CADPS2: variants seen among roughly 807,000 people sequenced by gnomAD.
CADPS2 encodes calcium dependent secretion activator 2.
CADPS2 carries 93 observed loss-of-function variants against 172.5 expected under a neutral mutation model. That is an observed-to-expected ratio of 0.54 (90% CI 0.46 to 0.64). The LOEUF (loss-of-function observed/expected upper bound fraction) is 0.64, where lower values mean the gene tolerates loss of function less well. Ranked by LOEUF, CADPS2 falls within the 30% of genes least tolerant of loss-of-function variation. CADPS2 has a pLI of 0.00. For synonymous variants in CADPS2, 546 were observed against 555.2 expected, an observed-to-expected ratio of 0.98 and a Z score of 0.23; for missense variants, 1,420 against 1,565.9, an observed-to-expected ratio of 0.91 and a Z score of 1.57.
chr7:122,570,698 C>A (rs2067132155), intron 7 of CADPS2, among the ~76,000 whole-genome samples: 1 of 151,682 alleles, frequency 6.6e-6, no homozygotes, highest in South Asian at 2.1e-4. Flanking sequence ...GAATACTATG[C>A]AGCCATAAAA....
intron 14 of CADPS2, among the ~76,000 whole-genome samples, chr7:122,460,169 A>C (rs2054281528): frequency 6.6e-6 from 1 of 152,036 alleles, no homozygotes; most frequent in Admixed American, 6.6e-5. Context: ...CCAAATCCTT[A>C]TTCACTACAA....
intron 1 of CADPS2, among the ~76,000 whole-genome samples, chr7:122,775,284 G>A (rs903009734): frequency 1.3e-5 from 2 of 152,194 alleles, no homozygotes; most frequent in East Asian, 1.9e-4. Flanking sequence ...CGTCATAGAC[G>A]CTGACACAAT....
At chr7:122,441,243 G>C (rs937631737) in intron 16 of CADPS2, among the ~76,000 whole-genome samples, 1 of 151,988 alleles carries the variant, frequency 6.6e-6, no homozygotes, top group African/African-American at 2.4e-5. Context: ...ATTTCATGAG[G>C]GAAATAAAGA....
intron 2 of CADPS2, among the ~76,000 whole-genome samples, chr7:122,674,857 A>G (rs1023071457): frequency 7.9e-5 from 12 of 152,236 alleles, no homozygotes; most frequent in African/African-American, 2.7e-4. Flanking sequence ...ATAATGCCAA[A>G]TAAAATATTG....
intron 2 of CADPS2, among the ~76,000 whole-genome samples, chr7:122,706,984 G>A (rs1374380172): frequency 1.3e-5 from 2 of 151,470 alleles, no homozygotes; most frequent in African/African-American, 2.4e-5. Context: ...GATTTATCCT[G>A]TTGTAGAGAG....
At chr7:122,629,128 A>G (rs951174512) in intron 4 of CADPS2, 120 bp downstream of exon 4, 12 of 659,412 alleles carry the variant, frequency 1.8e-5, no homozygotes, top group Non-Finnish European at 3.0e-5. Flanking sequence ...TGTGTAGAGG[A>G]GAAAATGTTA....
chr7:122,513,485 A>G (rs2060144478), intron 8 of CADPS2, among the ~76,000 whole-genome samples, 170 bp from the exon 9 acceptor site: 1 of 152,220 alleles, frequency 6.6e-6, no homozygotes, highest in Middle Eastern at 3.2e-3. Flanking sequence ...AAAATGAGTT[A>G]GCTTATTCTG....
At chr7:122,376,258 AG>A (rs2151315255) in intron 25 of CADPS2, among the ~76,000 whole-genome samples, 1 of 152,296 alleles carries the variant, frequency 6.6e-6, no homozygotes, top group East Asian at 1.9e-4. Context: ...TTAGTATATC[AG>A]AGAGATATCT....
At chr7:122,420,521 A>C (rs1318751325) in intron 17 of CADPS2, among the ~76,000 whole-genome samples, 2 of 152,256 alleles carry the variant, frequency 1.3e-5, no homozygotes, top group Non-Finnish European at 2.9e-5. Flanking sequence ...AAGGCCAAGA[A>C]GTTTAATGCA....
intron 17 of CADPS2, among the ~76,000 whole-genome samples, chr7:122,431,131 AT>A (rs1273885592): frequency 6.6e-6 from 1 of 152,188 alleles, no homozygotes; most frequent in African/African-American, 2.4e-5. Context: ...CTAAATTTTA[AT>A]TATTTAGTAA....
intron 6 of CADPS2, among the ~76,000 whole-genome samples, chr7:122,583,258 T>A (rs1003211738): frequency 6.6e-6 from 1 of 152,024 alleles, no homozygotes; most frequent in African/African-American, 2.4e-5. Flanking sequence ...TAAGTGTCCA[T>A]AAAATGAGAT....
chr7:122,522,122 T>C (rs1052592050), intron 8 of CADPS2, among the ~76,000 whole-genome samples: 1 of 152,134 alleles, frequency 6.6e-6, no homozygotes, highest in African/African-American at 2.4e-5. Context: ...CATTTTATTT[T>C]ATTTATTTTT....
At chr7:122,458,282 A>T (rs1349951779) in intron 14 of CADPS2, among the ~76,000 whole-genome samples, 1 of 152,186 alleles carries the variant, frequency 6.6e-6, no homozygotes, top group Non-Finnish European at 1.5e-5. Context: ...AAAGGAGAGG[A>T]TGTCACAGCA....
At chr7:122,492,398 C>A (rs2058374423) in intron 9 of CADPS2, among the ~76,000 whole-genome samples, 2 of 152,004 alleles carry the variant, frequency 1.3e-5, no homozygotes, top group African/African-American at 4.8e-5. Context: ...TAAAGTCTTA[C>A]TAGAACCATA....
At chr7:122,575,259 T>G (rs2067862725) in intron 7 of CADPS2, among the ~76,000 whole-genome samples, 1 of 152,036 alleles carries the variant, frequency 6.6e-6, no homozygotes, top group Admixed American at 6.5e-5. Context: ...TGATCCTGGA[T>G]TCTATCCTAG....
chr7:122,370,053 TCTTA>T (rs2041569632), intron 25 of CADPS2, among the ~76,000 whole-genome samples: 1 of 151,286 alleles, frequency 6.6e-6, no homozygotes, highest in African/African-American at 2.4e-5. Context: ...CTGCAGTTTC[TCTTA>T]CTTAAATGGT....
chr7:122,477,021 AG>A (rs1563448140), intron 12 of CADPS2, among the ~76,000 whole-genome samples: 2 of 105,150 alleles, frequency 1.9e-5, no homozygotes, highest in African/African-American at 8.7e-5. Flanking sequence ...AGGAGAGGAG[AG>A]GAGAGGAGAG....
chr7:122,591,079 A>G (rs1031342363), intron 6 of CADPS2, among the ~76,000 whole-genome samples: 2 of 152,080 alleles, frequency 1.3e-5, no homozygotes, highest in Admixed American at 1.3e-4. Flanking sequence ...TTGTATATTT[A>G]GAAAACCCCA....
chr7:122,467,824 C>T (rs572176328), intron 14 of CADPS2, among the ~76,000 whole-genome samples: 155 of 152,240 alleles, frequency 1.0e-3, no homozygotes, highest in African/African-American at 3.5e-3. Context: ...CTCTGAAAGC[C>T]TCTTTTCTCC....
Sources: gnomAD v4.1 joint callset for allele counts (sites outside exome capture counted in the v4.1 genomes callset) on GRCh38, gnomAD v4.1.1 for gene constraint, MANE v1.5 for transcripts, NCBI Gene and HGNC (gene_info 2026-07-23, HGNC 2026-07-21) for gene names.